The following PCDH7 variants were observed in gnomAD, a reference collection of about 807,000 sequenced individuals.
The protein encoded by PCDH7 is protocadherin-7.
PCDH7 carries 17 observed loss-of-function variants against 58.9 expected under a neutral mutation model. That is an observed-to-expected ratio of 0.29 (90% CI 0.20 to 0.43). PCDH7 has a LOEUF of 0.43. Ranked by LOEUF, PCDH7 falls within the 20% of genes least tolerant of loss-of-function variation. The pLI is 1.00. For missense variants in PCDH7, 1,274 were observed against 1,441.0 expected (o/e 0.88, Z 1.88); for synonymous variants, 664 against 616.4 (o/e 1.08, Z -1.14).
intron 3 of PCDH7, among the ~76,000 whole-genome samples, chr4:30,958,062 G>A (rs1162669266): frequency 6.6e-6 from 1 of 152,048 alleles, no homozygotes; most frequent in Non-Finnish European, 1.5e-5. Context: ...TAGAAGAGAG[G>A]AAAGAGTGGA....
downstream of PCDH7, among the ~76,000 whole-genome samples, chr4:30,735,984 CATACTT>C (rs1716194352): frequency 6.6e-6 from 1 of 152,150 alleles, no homozygotes; most frequent in Non-Finnish European, 1.5e-5. Context: ...TTTCTGCTCT[CATACTT>C]ATGGGAGATA....
chr4:30,789,371 G>A (rs1723820083), intron 1 of PCDH7, among the ~76,000 whole-genome samples: 1 of 152,124 alleles, frequency 6.6e-6, no homozygotes, highest in South Asian at 2.1e-4. Context: ...CAGAAGAGAA[G>A]GAAACACTAG....
At chr4:30,932,378 C>G (rs1445252339) in intron 2 of PCDH7, among the ~76,000 whole-genome samples, 1 of 152,158 alleles carries the variant, frequency 6.6e-6, no homozygotes, top group Non-Finnish European at 1.5e-5. Context: ...GAAGATATCA[C>G]TTTTAATGTT....
chr4:31,114,708 G>C (rs1716783513), intron 3 of PCDH7, among the ~76,000 whole-genome samples: 1 of 151,204 alleles, frequency 6.6e-6, no homozygotes, highest in African/African-American at 2.4e-5. Flanking sequence ...AGGAAGCAAA[G>C]GAAAGTGGCA....
At chr4:30,935,904 A>G (rs1404463395) in intron 2 of PCDH7, among the ~76,000 whole-genome samples, 5 of 152,124 alleles carry the variant, frequency 3.3e-5, no homozygotes, top group Admixed American at 6.6e-5. Flanking sequence ...CAATTGCAAT[A>G]CAATTGGAGC....
chr4:30,971,805 T>C (rs2109473684), intron 3 of PCDH7, among the ~76,000 whole-genome samples: 1 of 152,094 alleles, frequency 6.6e-6, no homozygotes, highest in Non-Finnish European at 1.5e-5. Flanking sequence ...CAACAAAATA[T>C]ACAAAAATTA....
chr4:30,844,042 C>T (rs6816968), intron 1 of PCDH7, among the ~76,000 whole-genome samples: 74,186 of 151,644 alleles, frequency 0.49, 20,408 homozygotes, highest in African/African-American at 0.77. Context: ...GGTTCTCTTG[C>T]TTCCAGCGTC....
At chr4:30,981,989 T>A (rs2109111544) in intron 3 of PCDH7, among the ~76,000 whole-genome samples, 1 of 152,292 alleles carries the variant, frequency 6.6e-6, no homozygotes, top group Non-Finnish European at 1.5e-5. Flanking sequence ...AGAGTTCTGT[T>A]GTACCATAGA....
rs1175864179 is a variant in PCDH7 at position 30,721,354 on chromosome 4, G to C, written c.-69G>C. 11 of 1,386,032 alleles carry C rather than the reference G, an allele frequency of 7.9e-6. No homozygotes were observed. The highest frequency in any genetic ancestry group is 2.9e-5 in the Admixed American group (1 of 34,396). 85.9% of individuals were successfully genotyped at this position (1,386,032 alleles called of 1,614,324 possible). On this transcript the variant is annotated 5_prime_UTR_variant, in exon 1 of 2. Transcript: ENST00000361762. The surrounding 1 kb of genome is among the most constrained non-coding windows in gnomAD (Gnocchi z 6.7). ...AGGACTCGGGGGAGGGCAGGCGGCC[G>C]GCCCCGGAGGAGGGGGGCGCCGAGG...
chr4:30,779,657 T>C (rs1006687265), intron 1 of PCDH7, among the ~76,000 whole-genome samples: 1 of 152,240 alleles, frequency 6.6e-6, no homozygotes, highest in Non-Finnish European at 1.5e-5. Flanking sequence ...TAATTTCTAA[T>C]TTTGTCCTAT....
At chr4:30,984,680 C>A (rs932987025) in intron 3 of PCDH7, among the ~76,000 whole-genome samples, 3 of 147,736 alleles carry the variant, frequency 2.0e-5, no homozygotes, top group Admixed American at 2.0e-4. Flanking sequence ...TGAGTCACCT[C>A]TAAAGGTGGC....
At chr4:30,906,744 C>T (rs1439673804) in intron 1 of PCDH7, among the ~76,000 whole-genome samples, 3 of 152,014 alleles carry the variant, frequency 2.0e-5, no homozygotes, top group Non-Finnish European at 2.9e-5. Context: ...GATTATGGAC[C>T]AGGCACTGTG....
At chr4:31,007,578 GT>G (rs2109146561) in intron 3 of PCDH7, among the ~76,000 whole-genome samples, 1 of 149,132 alleles carries the variant, frequency 6.7e-6, no homozygotes, top group Admixed American at 6.7e-5. Flanking sequence ...AGAAGATATG[GT>G]TTTATGGTTT....
intron 1 of PCDH7, among the ~76,000 whole-genome samples, chr4:30,784,352 G>A (rs1454477962): frequency 6.6e-6 from 1 of 152,120 alleles, no homozygotes; most frequent in African/African-American, 2.4e-5. Flanking sequence ...AGTGACAGGT[G>A]AGTATTAGTA....
At chr4:30,873,310 A>G (rs1735854006) in intron 1 of PCDH7, among the ~76,000 whole-genome samples, 2 of 152,104 alleles carry the variant, frequency 1.3e-5, no homozygotes, top group Admixed American at 6.6e-5. Flanking sequence ...TAACTTTGGT[A>G]TAAAATATTT....
intron 3 of PCDH7, among the ~76,000 whole-genome samples, chr4:31,012,001 A>G (rs754725864): frequency 1.3e-5 from 2 of 152,118 alleles, no homozygotes; most frequent in East Asian, 1.9e-4. Context: ...TACATACCCT[A>G]TATTTTATTC....
chr4:30,856,933 T>C (rs1468077681), intron 1 of PCDH7, among the ~76,000 whole-genome samples: 2 of 148,288 alleles, frequency 1.3e-5, no homozygotes, highest in Non-Finnish European at 3.0e-5. Flanking sequence ...AGCTTTTTTC[T>C]TTTTTTTTTA....
intron 3 of PCDH7, among the ~76,000 whole-genome samples, chr4:30,980,226 A>C (rs1422048832): frequency 1.3e-5 from 2 of 152,236 alleles, no homozygotes; most frequent in African/African-American, 4.8e-5. Context: ...ACAGGACTAC[A>C]GTGGAGCTTT....
chr4:30,869,121 A>G (rs938279223), intron 1 of PCDH7: 1 of 152,076 alleles, frequency 6.6e-6, no homozygotes, highest in Non-Finnish European at 1.5e-5. Flanking sequence ...CAGCTAATCC[A>G]CTGATCACGC....
Sources: allele counts gnomAD v4.1 joint callset (sites outside exome capture counted in the v4.1 genomes callset), GRCh38; gene constraint gnomAD v4.1.1; non-coding constraint Gnocchi (gnomAD v3.1); transcripts MANE v1.5; gene names NCBI Gene and HGNC (gene_info 2026-07-23, HGNC 2026-07-21).